The following OLA1 variants were observed in gnomAD, a reference collection of about 807,000 sequenced individuals.
The protein encoded by OLA1 is Obg like ATPase 1.
OLA1 carries 14 observed loss-of-function variants against 48.4 expected under a neutral mutation model. The observed-to-expected ratio is 0.29, with a 90% CI of 0.19 to 0.45. The LOEUF is 0.45. OLA1 is among the 20% of genes least tolerant of loss of function. The pLI is 1.00. For synonymous variants in OLA1, 127 were observed against 150.4 expected (o/e 0.84, Z 1.14); for missense variants, 325 against 467.1 (o/e 0.70, Z 2.80).
At chr2:174,150,668 T>C (rs1300312221) in intron 4 of OLA1, among the ~76,000 whole-genome samples, 1 of 152,202 alleles carries the variant, frequency 6.6e-6, no homozygotes, top group Non-Finnish European at 1.5e-5. Flanking sequence ...AACTACAATA[T>C]GCCTTGTTAA....
chr2:174,101,990 T>G (rs1430314993), intron 7 of OLA1, among the ~76,000 whole-genome samples: 4 of 152,194 alleles, frequency 2.6e-5, no homozygotes, highest in Non-Finnish European at 5.9e-5. Context: ...CAGTTTAGTT[T>G]TATATATCTT....
rs1408891796 is a variant in OLA1, at chr2:174,136,970, C to A, written c.549+4855G>T. On this transcript the variant is annotated intron_variant, in intron 5 of 10. Coordinates refer to ENST00000284719, the MANE Select transcript of OLA1 (RefSeq NM_013341.5). Reference sequence around the variant, plus strand: ...GATTATAGGCGTGAGCCACCACGCCCGGCCATGAAAATTCATCTAGAATGG... The same window carrying A: ...GATTATAGGCGTGAGCCACCACGCCAGGCCATGAAAATTCATCTAGAATGG... Among the ~76,000 whole-genome samples, 4 of 152,232 alleles carry A rather than the reference C, an allele frequency of 2.6e-5. No homozygotes were observed. The South Asian group carries it at 8.3e-4, about 32-fold the overall frequency.
chr2:174,237,220 A>G (rs1325728587), intron 2 of OLA1, among the ~76,000 whole-genome samples: 1 of 151,964 alleles, frequency 6.6e-6, no homozygotes, highest in Non-Finnish European at 1.5e-5. Context: ...ACCGAGACAT[A>G]AACACATACA....
chr2:174,216,840 C>T (rs1024471882), intron 4 of OLA1, among the ~76,000 whole-genome samples: 21 of 152,114 alleles, frequency 1.4e-4, no homozygotes, highest in Non-Finnish European at 2.4e-4. Context: ...GCCACCGCAC[C>T]TGGCCATGAT....
intron 1 of OLA1, chr2:174,247,531 G>A (rs938107157): frequency 1.5e-6 from 2 of 1,334,428 alleles, no homozygotes; most frequent in Non-Finnish European, 2.0e-6. Context: ...CAAGTACACA[G>A]AAGACAGTCA....
At chr2:174,123,721 AT>A in intron 5 of OLA1, 46 bp from the exon 6 acceptor site, 3 of 977,016 alleles carry the variant, frequency 3.1e-6, no homozygotes, top group East Asian at 2.7e-5. Context: ...ATAACTAAAC[AT>A]TTAGATACTA....
intron 7 of OLA1, among the ~76,000 whole-genome samples, chr2:174,108,478 G>C (rs1242850465): frequency 6.6e-6 from 1 of 151,962 alleles, no homozygotes; most frequent in Non-Finnish European, 1.5e-5. Context: ...TAACATTTTG[G>C]TAACTAACAT....
Position 174,092,999 on chromosome 2 carries a change from G to C in OLA1, c.729-10935C>G, listed in dbSNP as rs1339802750. ...ACAAAACAAGCACCTCAAACTTTTA[G>C]ATCATTCCCGAATCTCCGGCTTCTT... On this transcript the variant is annotated intron_variant, in intron 7 of 10. Transcript: ENST00000284719. 2.6e-5 allele frequency among the ~76,000 whole-genome samples: 4 copies of C among 152,162 alleles called. No homozygotes were observed. The South Asian group carries it at 6.2e-4, about 24-fold the overall frequency.
chr2:174,208,963 T>C (rs904796221), intron 4 of OLA1, among the ~76,000 whole-genome samples: 9 of 152,204 alleles, frequency 5.9e-5, no homozygotes, highest in African/African-American at 2.2e-4. Flanking sequence ...TGTCCCTTCC[T>C]TTCTATTTTG....
chr2:174,186,520 G>A (rs1687658456), intron 4 of OLA1, among the ~76,000 whole-genome samples: 1 of 152,186 alleles, frequency 6.6e-6, no homozygotes, highest in African/African-American at 2.4e-5. Flanking sequence ...GTCCTCTTGA[G>A]CTGGCATATC....
At chr2:174,156,576 CTCTT>C (rs1407209733) in intron 4 of OLA1, among the ~76,000 whole-genome samples, 1 of 131,876 alleles carries the variant, frequency 7.6e-6, no homozygotes, top group Non-Finnish European at 1.6e-5. Flanking sequence ...TGCTCCCACA[CTCTT>C]TTTTTTTTTT....
chr2:174,085,257 G>A (rs1295194481), intron 7 of OLA1, among the ~76,000 whole-genome samples: 1 of 152,230 alleles, frequency 6.6e-6, no homozygotes, highest in Non-Finnish European at 1.5e-5. Context: ...CCCCTGGACT[G>A]TGGACTGGTA....
chr2:174,082,386 AT>A (rs1684876161), intron 7 of OLA1, among the ~76,000 whole-genome samples: 1 of 152,110 alleles, frequency 6.6e-6, no homozygotes, highest in South Asian at 2.1e-4. Flanking sequence ...CCATTTTATA[AT>A]TTTTTGTTTT....
intron 4 of OLA1, among the ~76,000 whole-genome samples, chr2:174,219,874 G>A (rs946678354): frequency 6.6e-6 from 1 of 152,298 alleles, no homozygotes; most frequent in South Asian, 2.1e-4. Flanking sequence ...GCTCACACCT[G>A]TAATCTCAGC....
At chr2:174,231,925 G>A (rs1688737053) in intron 2 of OLA1, among the ~76,000 whole-genome samples, 1 of 152,168 alleles carries the variant, frequency 6.6e-6, no homozygotes, top group Non-Finnish European at 1.5e-5. Context: ...TGCCTGAAGT[G>A]TTAAAGCCCA....
intron 2 of OLA1, among the ~76,000 whole-genome samples, chr2:174,239,334 A>G (rs1688940890): frequency 1.3e-5 from 2 of 152,250 alleles, no homozygotes; most frequent in African/African-American, 4.8e-5. Flanking sequence ...ACCAACGAGC[A>G]ATCAAAGTTA....
intron 10 of OLA1, 128 bp downstream of exon 10, chr2:174,078,840 G>A (rs1194429804): frequency 4.5e-6 from 4 of 879,164 alleles, no homozygotes; most frequent in East Asian, 2.9e-5. Flanking sequence ...AACACTAAAC[G>A]CTGATCATCT....
chr2:174,240,431 T>C, intron 2 of OLA1: 1 of 152,450 alleles, frequency 6.6e-6, no homozygotes, highest in Non-Finnish European at 1.5e-5. Flanking sequence ...CCTGAGTAGC[T>C]GAGACTACAT....
intron 7 of OLA1, among the ~76,000 whole-genome samples, chr2:174,117,187 C>T (rs1210352086): frequency 6.6e-6 from 1 of 152,070 alleles, no homozygotes; most frequent in East Asian, 1.9e-4. Flanking sequence ...GTAATGTATC[C>T]AAAAGATGCA....
Sources: gnomAD v4.1 joint callset for allele counts (sites outside exome capture counted in the v4.1 genomes callset) on GRCh38, gnomAD v4.1.1 for gene constraint, MANE v1.5 for transcripts, NCBI Gene and HGNC (gene_info 2026-07-23, HGNC 2026-07-21) for gene names.